Variants in SLIT3 observed in about 807,000 individuals in gnomAD.
SLIT3 encodes the protein slit guidance ligand 3.
A neutral mutation model predicts 184.0 loss-of-function variants in SLIT3; 68 were observed. The observed-to-expected ratio is 0.37, with a 90% CI of 0.30 to 0.45. The LOEUF (loss-of-function observed/expected upper bound fraction) is 0.45, where lower values mean the gene tolerates loss of function less well. SLIT3 is among the 20% of genes least tolerant of loss of function. The pLI is 1.00. For synonymous variants in SLIT3, 831 were observed against 828.6 expected (o/e 1.00, Z -0.05); for missense variants, 1,707 against 2,026.0 (o/e 0.84, Z 3.02).
chr5:169,259,829 T>C (rs1314457031), intron 1 of SLIT3, among the ~76,000 whole-genome samples: 1 of 151,078 alleles, frequency 6.6e-6, no homozygotes, highest in Non-Finnish European at 1.5e-5. Context: ...AAATATAGCT[T>C]GGTCCTTGTT....
intron 3 of SLIT3, among the ~76,000 whole-genome samples, chr5:169,240,877 C>CT (rs199600846): frequency 0.012 from 1,633 of 139,690 alleles, 24 homozygotes; most frequent in African/African-American, 0.038. Context: ...AATTTTTTGG[C>CT]TTTTTTTTTT....
chr5:168,887,104 A>AGCTTTTGAAATGC (rs1456265760), intron 4 of SLIT3, among the ~76,000 whole-genome samples: 6 of 151,904 alleles, frequency 3.9e-5, no homozygotes, highest in Non-Finnish European at 7.4e-5. Context: ...GTTCCAGTGG[A>AGCTTTTGAAATGC]GCTTTTGAAA....
intron 3 of SLIT3, among the ~76,000 whole-genome samples, chr5:169,234,494 C>T (rs1765124622): frequency 6.6e-6 from 1 of 152,198 alleles, no homozygotes; most frequent in African/African-American, 2.4e-5. Flanking sequence ...TCAACCTCCA[C>T]CTCCTGGGTT....
intron 4 of SLIT3, among the ~76,000 whole-genome samples, chr5:169,088,860 A>G (rs1300620108): frequency 1.3e-5 from 2 of 151,666 alleles, no homozygotes; most frequent in African/African-American, 4.8e-5. Flanking sequence ...TCTCTACTAG[A>G]AATACAAAAA....
At chr5:169,083,383 C>T (rs180818501) in intron 4 of SLIT3, among the ~76,000 whole-genome samples, 1 of 152,326 alleles carries the variant, frequency 6.6e-6, no homozygotes, top group Non-Finnish European at 1.5e-5. Flanking sequence ...AGCACACACA[C>T]CTGAAAGTGA....
chr5:169,248,139 T>C (rs915995851), intron 2 of SLIT3, among the ~76,000 whole-genome samples: 5 of 152,104 alleles, frequency 3.3e-5, no homozygotes, highest in Non-Finnish European at 7.4e-5. Context: ...TGATAACCAC[T>C]TCCTCCCTGT....
intron 4 of SLIT3, among the ~76,000 whole-genome samples, chr5:169,080,044 T>C (rs1054973242): frequency 2.6e-5 from 4 of 151,478 alleles, no homozygotes; most frequent in South Asian, 4.2e-4. Context: ...GGGGTTTGCA[T>C]AGGGGAGAGA....
intron 4 of SLIT3, among the ~76,000 whole-genome samples, chr5:169,155,193 C>G (rs1276331949): frequency 6.6e-6 from 1 of 152,168 alleles, no homozygotes; most frequent in East Asian, 1.9e-4. Context: ...ACCAATTTGC[C>G]AAGCACATCC....
At chr5:169,215,751 A>G (rs537618232) in intron 3 of SLIT3, among the ~76,000 whole-genome samples, 2 of 152,310 alleles carry the variant, frequency 1.3e-5, no homozygotes, top group African/African-American at 4.8e-5. Context: ...GATTGAATAA[A>G]TATTTGAATA....
intron 8 of SLIT3, among the ~76,000 whole-genome samples, chr5:168,814,397 GCAAACAAA>G (rs34174262): frequency 0.022 from 3,329 of 150,782 alleles, 126 homozygotes; most frequent in African/African-American, 0.073. Flanking sequence ...ACTGTCTCAA[GCAAACAAA>G]CAAACAAACA....
chr5:169,202,996 G>A (rs1042743928), intron 3 of SLIT3, among the ~76,000 whole-genome samples: 3 of 152,144 alleles, frequency 2.0e-5, no homozygotes, highest in African/African-American at 7.2e-5. Context: ...GCATCCAGAA[G>A]ATCTTGATTT....
chr5:168,711,911 C>T (rs1011913247), intron 24 of SLIT3, among the ~76,000 whole-genome samples: 3 of 152,188 alleles, frequency 2.0e-5, no homozygotes, highest in Non-Finnish European at 4.4e-5. Flanking sequence ...AAACCTAGAT[C>T]TGATCCTGGG....
intron 2 of SLIT3, among the ~76,000 whole-genome samples, chr5:169,249,111 A>G (rs1765691008): frequency 6.6e-6 from 1 of 152,220 alleles, no homozygotes; most frequent in Non-Finnish European, 1.5e-5. Flanking sequence ...TAGGTTACTC[A>G]GCTAAAAAGA....
intron 4 of SLIT3, among the ~76,000 whole-genome samples, chr5:168,963,281 C>T (rs1273497813): frequency 6.6e-6 from 1 of 152,222 alleles, no homozygotes; most frequent in African/African-American, 2.4e-5. Flanking sequence ...AAGCAATTCT[C>T]CTGCCTCAGC....
At chr5:169,063,404 T>C (rs1758242540) in intron 4 of SLIT3, among the ~76,000 whole-genome samples, 1 of 152,230 alleles carries the variant, frequency 6.6e-6, no homozygotes, top group Non-Finnish European at 1.5e-5. Context: ...TAAATGTCTC[T>C]ACCCCTTCAA....
At chr5:169,030,877 T>C (rs547153256) in intron 4 of SLIT3, among the ~76,000 whole-genome samples, 7 of 152,230 alleles carry the variant, frequency 4.6e-5, no homozygotes, top group Non-Finnish European at 1.0e-4. Context: ...GAATACGGCT[T>C]TCTAATTTCT....
chr5:168,821,551 C>G (rs1757532872), intron 7 of SLIT3, among the ~76,000 whole-genome samples: 1 of 152,202 alleles, frequency 6.6e-6, no homozygotes, highest in South Asian at 2.1e-4. Context: ...AATTCCATTA[C>G]TGCACTACCC....
intron 6 of SLIT3, among the ~76,000 whole-genome samples, chr5:168,825,027 C>T (rs1010710784): frequency 2.0e-5 from 3 of 152,288 alleles, no homozygotes; most frequent in Admixed American, 6.5e-5. Context: ...CTACTACTTC[C>T]GAATTGTGTG....
intron 32 of SLIT3, among the ~76,000 whole-genome samples, chr5:168,675,704 A>G (rs1180701423): frequency 6.6e-6 from 1 of 151,444 alleles, no homozygotes; most frequent in Non-Finnish European, 1.5e-5. Context: ...CCTATTTCTT[A>G]AAAAACAACA....
Sources: gnomAD v4.1 joint callset for allele counts (sites outside exome capture counted in the v4.1 genomes callset) on GRCh38, gnomAD v4.1.1 for gene constraint, MANE v1.5 for transcripts, NCBI Gene and HGNC (gene_info 2026-07-23, HGNC 2026-07-21) for gene names.